KIAA1217: variants seen among roughly 807,000 people sequenced by gnomAD.
KIAA1217 encodes the protein sickle tail protein homolog.
A neutral mutation model predicts 163.9 loss-of-function variants in KIAA1217; 88 were observed. The observed-to-expected ratio is 0.54, with a 90% CI of 0.45 to 0.64. The LOEUF is 0.64. KIAA1217 is among the 30% of genes least tolerant of loss of function. The pLI, the probability that KIAA1217 is intolerant of heterozygous loss-of-function variation, is 0.00. For synonymous variants in KIAA1217, 903 were observed against 923.1 expected, an observed-to-expected ratio of 0.98 and a Z score of 0.39; for missense variants, 2,372 against 2,475.0, an observed-to-expected ratio of 0.96 and a Z score of 0.88.
At chr10:24,065,939 G>A (rs1367500485) in intron 2 of KIAA1217, among the ~76,000 whole-genome samples, 1 of 152,084 alleles carries the variant, frequency 6.6e-6, no homozygotes, top group Non-Finnish European at 1.5e-5. Flanking sequence ...TTTAAAGTCT[G>A]TTTTATCAGA....
chr10:24,508,338 G>A (rs909898094), intron 9 of KIAA1217, among the ~76,000 whole-genome samples: 21 of 150,440 alleles, frequency 1.4e-4, no homozygotes, highest in African/African-American at 5.1e-4. Flanking sequence ...GTAGAAGGAA[G>A]CTTCCTTACC....
chr10:24,083,438 T>C (rs1211892865), intron 2 of KIAA1217, among the ~76,000 whole-genome samples: 1 of 152,220 alleles, frequency 6.6e-6, no homozygotes, highest in African/African-American at 2.4e-5. Flanking sequence ...ATTGGTTTTA[T>C]GAAAAAGTGC....
intron 9 of KIAA1217, among the ~76,000 whole-genome samples, chr10:24,510,421 A>G (rs963511461): frequency 2.0e-5 from 3 of 152,216 alleles, no homozygotes; most frequent in African/African-American, 7.2e-5. Context: ...CTCATGGCAC[A>G]GTGACATCAT....
intron 2 of KIAA1217, among the ~76,000 whole-genome samples, chr10:24,247,948 A>C (rs2074013503): frequency 1.3e-5 from 2 of 152,242 alleles, no homozygotes; most frequent in Non-Finnish European, 2.9e-5. Context: ...ACATTTAAAA[A>C]CTAGTTTAAA....
At chr10:23,820,034 T>A (rs1485569257) in intron 1 of KIAA1217, among the ~76,000 whole-genome samples, 2 of 152,208 alleles carry the variant, frequency 1.3e-5, no homozygotes, top group African/African-American at 2.4e-5. Context: ...TAAATATATG[T>A]GCACAAATAC....
At chr10:23,845,404 T>G (rs1194305922) in intron 1 of KIAA1217, among the ~76,000 whole-genome samples, 1 of 152,190 alleles carries the variant, frequency 6.6e-6, no homozygotes, top group African/African-American at 2.4e-5. Context: ...ATCAGTTGTT[T>G]CCTGACTTTT....
chr10:23,973,409 A>G (rs1175949823), intron 1 of KIAA1217, among the ~76,000 whole-genome samples: 1 of 152,258 alleles, frequency 6.6e-6, no homozygotes, highest in Non-Finnish European at 1.5e-5. Flanking sequence ...TAATATCCCC[A>G]AAGTCATGCT....
intron 2 of KIAA1217, among the ~76,000 whole-genome samples, chr10:24,287,086 G>C (rs937795358): frequency 2.0e-5 from 3 of 152,088 alleles, no homozygotes; most frequent in African/African-American, 7.2e-5. Flanking sequence ...GTCTTGCTCT[G>C]TCGCCCAGGC....
At chr10:24,408,082 C>T (rs1403846309) in intron 3 of KIAA1217, among the ~76,000 whole-genome samples, 1 of 152,124 alleles carries the variant, frequency 6.6e-6, no homozygotes, top group Non-Finnish European at 1.5e-5. Flanking sequence ...TGTCCCAGCT[C>T]CATCATCTGC....
chr10:23,997,570 A>G (rs1296676685), intron 1 of KIAA1217, among the ~76,000 whole-genome samples: 1 of 152,206 alleles, frequency 6.6e-6, no homozygotes, highest in African/African-American at 2.4e-5. Context: ...TCAGGCTGGA[A>G]GGTTTCAGGA....
chr10:24,371,236 T>C (rs1007205927), intron 2 of KIAA1217, among the ~76,000 whole-genome samples: 2 of 152,144 alleles, frequency 1.3e-5, no homozygotes, highest in African/African-American at 2.4e-5. Flanking sequence ...CCCTGCCTTC[T>C]GATCTGATAA....
chr10:23,989,987 A>G (rs1461658027), intron 1 of KIAA1217, among the ~76,000 whole-genome samples: 2 of 152,226 alleles, frequency 1.3e-5, no homozygotes, highest in African/African-American at 2.4e-5. Flanking sequence ...GGTCAGATCT[A>G]GCACAAAGTA....
intron 1 of KIAA1217, among the ~76,000 whole-genome samples, chr10:23,807,716 A>G (rs756875832): frequency 1.3e-5 from 2 of 152,210 alleles, no homozygotes; most frequent in Non-Finnish European, 2.9e-5. Context: ...ATAAAAATGT[A>G]AATACCTACT....
At chr10:23,924,640 C>T (rs1208930666) in intron 1 of KIAA1217, among the ~76,000 whole-genome samples, 2 of 152,140 alleles carry the variant, frequency 1.3e-5, no homozygotes, top group East Asian at 1.9e-4. Context: ...GGGACCACAC[C>T]TTGCTTCCTG....
intron 1 of KIAA1217, among the ~76,000 whole-genome samples, chr10:23,825,659 T>G (rs986036952): frequency 6.6e-6 from 1 of 152,210 alleles, no homozygotes; most frequent in African/African-American, 2.4e-5. Context: ...GAACTACAGT[T>G]TAGTTCTGAA....
intron 6 of KIAA1217, among the ~76,000 whole-genome samples, chr10:24,492,064 C>A (rs777970919): frequency 6.6e-6 from 1 of 152,190 alleles, no homozygotes; most frequent in South Asian, 2.1e-4. Flanking sequence ...AGCACCACTG[C>A]GGATAGAGTC....
chr10:23,710,504 G>A (rs1207095075), intron 1 of KIAA1217, among the ~76,000 whole-genome samples: 1 of 152,208 alleles, frequency 6.6e-6, no homozygotes, highest in Admixed American at 6.5e-5. Context: ...AAAGAATATA[G>A]TGCATACTTG....
Position 23,702,916 on chromosome 10 carries a change from C to T in KIAA1217, c.-321+7682C>T, listed in dbSNP as rs188446505. On this transcript the variant is annotated intron_variant, in intron 1 of 18. Transcript: ENST00000376462. ...TAATTTTTTGTATTTTTAGTAGAGA[C>T]GGGGTTTCACCGTGTTAGCCAAGAT... Among the ~76,000 whole-genome samples, 400 of 152,094 alleles carry T rather than the reference C, an allele frequency of 2.6e-3. 2 individuals are homozygous for T. The Middle Eastern group carries it at 0.027, about 10-fold the overall frequency.
At chr10:24,322,554 G>A (rs899052795) in intron 2 of KIAA1217, among the ~76,000 whole-genome samples, 19 of 152,290 alleles carry the variant, frequency 1.2e-4, no homozygotes, top group African/African-American at 4.6e-4. Context: ...CACTGTAAAT[G>A]GTTGTGCACA....
Sources: gnomAD v4.1 joint callset for allele counts (sites outside exome capture counted in the v4.1 genomes callset) on GRCh38, gnomAD v4.1.1 for gene constraint, MANE v1.5 for transcripts, NCBI Gene and HGNC (gene_info 2026-07-23, HGNC 2026-07-21) for gene names.